EEF2K: variants seen among roughly 807,000 people sequenced by gnomAD.
EEF2K encodes the protein eukaryotic elongation factor 2 kinase.
In EEF2K, 70 loss-of-function variants were observed where a neutral mutation model predicts 93.8. That is an observed-to-expected ratio of 0.75 (90% CI 0.62 to 0.91). The LOEUF (loss-of-function observed/expected upper bound fraction) is 0.91, where lower values mean the gene tolerates loss of function less well. Among genes scored for constraint, EEF2K ranks in the 40% least tolerant of loss-of-function variants. The probability of loss-of-function intolerance (pLI) is 0.00; values close to 1 mark genes in which losing one functional copy is unlikely to be tolerated. For missense variants in EEF2K, 935 were observed against 972.9 expected, an observed-to-expected ratio of 0.96 and a Z score of 0.52; for synonymous variants, 376 against 380.8, an observed-to-expected ratio of 0.99 and a Z score of 0.15.
intron 8 of EEF2K, 91 bp downstream of exon 8, chr16:22,257,476 A>T: frequency 6.4e-7 from 1 of 1,566,744 alleles, no homozygotes; most frequent in Non-Finnish European, 8.6e-7. Flanking sequence ...ACAGGCTGAG[A>T]CACTGTACGC....
chr16:22,258,813 C>T (rs1166907332), intron 10 of EEF2K, 118 bp downstream of exon 10: 4 of 1,385,820 alleles, frequency 2.9e-6, no homozygotes, highest in South Asian at 2.7e-5. Flanking sequence ...GTTCATGGCC[C>T]CAGTGGTTTT....
At chr16:22,239,401 T>G (rs1567270490) in intron 2 of EEF2K, among the ~76,000 whole-genome samples, 1 of 152,120 alleles carries the variant, frequency 6.6e-6, no homozygotes, top group Non-Finnish European at 1.5e-5. Context: ...ACAGACATGC[T>G]TGGAAGGGTG....
At chr16:22,251,009 G>A (rs1476934768) in intron 5 of EEF2K, 142 bp from the exon 6 acceptor site, 5 of 1,018,248 alleles carry the variant, frequency 4.9e-6, no homozygotes, top group East Asian at 4.8e-5. Context: ...GGGTGGGGAC[G>A]TCCTTCTTAC....
At chr16:22,260,424 G>A (rs774428065) in intron 10 of EEF2K, 38 bp from the exon 11 acceptor site, 1 of 1,611,534 alleles carries the variant, frequency 6.2e-7, no homozygotes, top group Non-Finnish European at 8.5e-7. Flanking sequence ...TGTTCCAGTA[G>A]TGGAACCAGG....
intron 1 of EEF2K, among the ~76,000 whole-genome samples, chr16:22,209,024 C>T (rs2046890743): frequency 6.6e-6 from 1 of 152,074 alleles, no homozygotes; most frequent in East Asian, 1.9e-4. Flanking sequence ...AGCCACAAGC[C>T]AGAGGGAGTG....
At chr16:22,215,881 C>T (rs547839870) in intron 1 of EEF2K, among the ~76,000 whole-genome samples, 65 of 152,278 alleles carry the variant, frequency 4.3e-4, no homozygotes, top group African/African-American at 1.1e-3. Context: ...GCCGAGATCA[C>T]GCCACTGCAC....
intron 2 of EEF2K, among the ~76,000 whole-genome samples, chr16:22,240,802 CTG>C (rs1249427009): frequency 6.6e-6 from 1 of 152,116 alleles, no homozygotes; most frequent in East Asian, 1.9e-4. Context: ...TGGAGTCTCA[CTG>C]TGTCGCCCAG....
At chr16:22,256,700 G>A in intron 6 of EEF2K, 48 bp from the exon 7 acceptor site, 2 of 1,591,274 alleles carry the variant, frequency 1.3e-6, no homozygotes, top group Non-Finnish European at 1.7e-6. Context: ...CTTCTCAGAG[G>A]AGGTGCGCCT....
At chr16:22,247,951 G>A (rs2047311735) in intron 3 of EEF2K, among the ~76,000 whole-genome samples, 1 of 152,088 alleles carries the variant, frequency 6.6e-6, no homozygotes, top group South Asian at 2.1e-4. Flanking sequence ...TCCCCTCCCT[G>A]GGCCATGCCG....
At chr16:22,207,368 CCT>C (rs754831797) in intron 1 of EEF2K, among the ~76,000 whole-genome samples, 4 of 152,102 alleles carry the variant, frequency 2.6e-5, no homozygotes, top group Non-Finnish European at 1.5e-5. Flanking sequence ...GGGAGCCCGA[CCT>C]CTGGGACCTC....
chr16:22,233,524 C>CA (rs367738103), intron 2 of EEF2K, among the ~76,000 whole-genome samples: 16,117 of 128,572 alleles, frequency 0.13, 1,043 homozygotes, highest in East Asian at 0.31. Context: ...ACTAAAAATA[C>CA]AAAAAAAAAA....
rs576069878 is a variant in EEF2K, at chr16:22,260,491, A to G, written c.1261A>G (p.Met421Val). The part of the protein sequence containing the change: ...HWPVFSDLDN[M>V]ASRDHDHLDN... ...GCCAGTGTTCAGTGACCTCGATAAC[A>G]TGGCATCCAGAGACCATGATCATCT... Residue 421 changes from methionine (M) to valine (V), a missense_variant, in exon 11 of 18, where the codon ATG becomes GTG. Transcript: ENST00000263026. 10 of 1,614,144 alleles carry G rather than the reference A, an allele frequency of 6.2e-6. No individual in the cohort carries two copies. In the African/African-American group the frequency reaches 9.3e-5, roughly 15 times the overall value.
intron 1 of EEF2K, among the ~76,000 whole-genome samples, chr16:22,221,065 G>C (rs552876917): frequency 6.6e-6 from 1 of 152,162 alleles, no homozygotes; most frequent in Non-Finnish European, 1.5e-5. Flanking sequence ...TTGCCCAGAG[G>C]ATAAGAAACA....
chr16:22,248,359 G>A (rs890168135), intron 3 of EEF2K, among the ~76,000 whole-genome samples: 2 of 152,126 alleles, frequency 1.3e-5, no homozygotes, highest in East Asian at 1.9e-4. Context: ...CACCAAGTCC[G>A]GCCATGTATA....
intron 1 of EEF2K, among the ~76,000 whole-genome samples, chr16:22,216,274 C>G (rs1014501744): frequency 1.3e-5 from 2 of 152,184 alleles, no homozygotes; most frequent in African/African-American, 2.4e-5. Flanking sequence ...TAGTTCCGCT[C>G]CCTTAAGGTT....
intron 10 of EEF2K, among the ~76,000 whole-genome samples, chr16:22,259,804 A>G (rs1457698482): frequency 6.6e-6 from 1 of 152,034 alleles, no homozygotes; most frequent in Non-Finnish European, 1.5e-5. Flanking sequence ...CCCGGCTGGA[A>G]TGCGGTGGCG....
intron 1 of EEF2K, among the ~76,000 whole-genome samples, chr16:22,220,225 T>C (rs535908504): frequency 8.5e-5 from 13 of 152,344 alleles, no homozygotes; most frequent in African/African-American, 2.6e-4. Context: ...AGCTCTGGAA[T>C]GCATATCAAG....
At chr16:22,220,931 A>G (rs574815226) in intron 1 of EEF2K, among the ~76,000 whole-genome samples, 1 of 152,180 alleles carries the variant, frequency 6.6e-6, no homozygotes, top group Non-Finnish European at 1.5e-5. Context: ...TGACCAGGGC[A>G]GAGTAGGCGC....
rs2047410911 is a variant in EEF2K, at chr16:22,257,244, C to A, written c.769-9C>A. 6.2e-7 allele frequency: 1 copy of A among 1,614,132 alleles called. No homozygotes were observed. Among genetic ancestry groups the A allele is most frequent in the African/African-American group, 1.3e-5 (1 of 75,040 alleles). The stretch of plus-strand genomic sequence containing the variant: ...CTTGACATCTCGTTTTCCTTCCTGT[C>A]CCCTGTAGGCCTTCAGCCACTTCAC... On this transcript the variant is annotated splice_polypyrimidine_tract_variant and intron_variant, in intron 7 of 17. Transcript: ENST00000263026.
Sources: gnomAD v4.1 joint callset for allele counts (sites outside exome capture counted in the v4.1 genomes callset) on GRCh38, gnomAD v4.1.1 for gene constraint, MANE v1.5 for transcripts, NCBI Gene and HGNC (gene_info 2026-07-23, HGNC 2026-07-21) for gene names.